The following GALNTL6 variants were observed in gnomAD, a reference collection of about 807,000 sequenced individuals.
GALNTL6 encodes the protein polypeptide N-acetylgalactosaminyltransferase like 6.
In GALNTL6, 46 loss-of-function variants were observed where a neutral mutation model predicts 73.7. That is an observed-to-expected ratio of 0.62 (90% CI 0.49 to 0.80). The LOEUF is 0.80. Ranked by LOEUF, GALNTL6 falls within the 30% of genes least tolerant of loss-of-function variation. GALNTL6 has a pLI of 0.00. For missense variants in GALNTL6, 604 were observed against 755.0 expected (o/e 0.80, Z 2.34); for synonymous variants, 259 against 263.7 (o/e 0.98, Z 0.17).
chr4:172,351,236 T>A (rs1466238467), intron 5 of GALNTL6, among the ~76,000 whole-genome samples: 2 of 152,264 alleles, frequency 1.3e-5, no homozygotes, highest in South Asian at 4.1e-4. Flanking sequence ...TCTACCTCTT[T>A]ACTGATTTAT....
rs116978614 is a variant in GALNTL6, at chr4:171,865,911, G to A, written c.138+51193G>A. Among the ~76,000 whole-genome samples, 429 of 152,142 alleles carry A rather than the reference G, an allele frequency of 2.8e-3. 1 individual carries two copies. The highest frequency in any genetic ancestry group is 0.024 in the East Asian group (123 of 5,180). On this transcript the variant is annotated intron_variant, in intron 2 of 12. Coordinates refer to ENST00000506823, the MANE Select transcript of GALNTL6 (RefSeq NM_001034845.3). ...TGATTGTGTTCTGTCAAACTTTTAC[G>A]TAACAAATAAGACACTTAACAATTC...
chr4:172,950,685 T>C (rs1707438018), intron 9 of GALNTL6, among the ~76,000 whole-genome samples: 1 of 152,162 alleles, frequency 6.6e-6, no homozygotes, highest in Non-Finnish European at 1.5e-5. Flanking sequence ...CAGGCCTGAA[T>C]TAGGATTTTG....
At chr4:172,448,908 A>C (rs1732116717) in intron 5 of GALNTL6, among the ~76,000 whole-genome samples, 1 of 152,158 alleles carries the variant, frequency 6.6e-6, no homozygotes, top group African/African-American at 2.4e-5. Flanking sequence ...ATCAGATCTC[A>C]CTTTACTAAG....
chr4:172,581,739 G>A (rs1275244182), intron 5 of GALNTL6, among the ~76,000 whole-genome samples: 1 of 152,118 alleles, frequency 6.6e-6, no homozygotes, highest in Non-Finnish European at 1.5e-5. Context: ...CTTCCTGCCT[G>A]CTCTCTGATT....
At chr4:172,362,459 C>G (rs1742405155) in intron 5 of GALNTL6, among the ~76,000 whole-genome samples, 1 of 152,062 alleles carries the variant, frequency 6.6e-6, no homozygotes, top group African/African-American at 2.4e-5. Context: ...TTCTTCTTAT[C>G]TGGGGCATGC....
At chr4:171,994,310 G>T (rs1458478950) in intron 2 of GALNTL6, among the ~76,000 whole-genome samples, 4 of 152,022 alleles carry the variant, frequency 2.6e-5, no homozygotes, top group African/African-American at 9.7e-5. Context: ...AAATGAGCCA[G>T]CCTGGAAATG....
intron 5 of GALNTL6, among the ~76,000 whole-genome samples, chr4:172,614,702 C>T (rs984960143): frequency 6.6e-6 from 1 of 152,054 alleles, no homozygotes; most frequent in African/African-American, 2.4e-5. Flanking sequence ...AAATCCTTAT[C>T]GTTGTAACAG....
At chr4:172,064,953 C>G (rs113038343) in intron 2 of GALNTL6, among the ~76,000 whole-genome samples, 4 of 152,154 alleles carry the variant, frequency 2.6e-5, no homozygotes, top group African/African-American at 9.6e-5. Flanking sequence ...TTTTTTCTAG[C>G]AAATCTTCAT....
intron 2 of GALNTL6, among the ~76,000 whole-genome samples, chr4:172,141,691 A>G (rs974276904): frequency 2.0e-5 from 3 of 151,966 alleles, no homozygotes; most frequent in African/African-American, 7.2e-5. Context: ...TTCTAGAGCT[A>G]ATCAGGTGTC....
At chr4:171,836,321 T>C (rs1011714231) in intron 2 of GALNTL6, among the ~76,000 whole-genome samples, 3 of 152,072 alleles carry the variant, frequency 2.0e-5, no homozygotes, top group African/African-American at 7.2e-5. Context: ...TTTTCATCAA[T>C]GTAGAGGTGA....
intron 5 of GALNTL6, among the ~76,000 whole-genome samples, chr4:172,614,355 T>C (rs893301101): frequency 4.6e-5 from 7 of 152,176 alleles, no homozygotes; most frequent in Non-Finnish European, 7.4e-5. Context: ...TCTGCAAAGC[T>C]GAACTAAGGC....
At chr4:171,978,810 A>C (rs1300821366) in intron 2 of GALNTL6, among the ~76,000 whole-genome samples, 1 of 148,872 alleles carries the variant, frequency 6.7e-6, no homozygotes, top group African/African-American at 2.6e-5. Flanking sequence ...TGCATTTTGC[A>C]AAATGGAGAG....
In GALNTL6 at chr4:172,789,088, A is replaced by G. The variant is rs987865330; in HGVS notation, c.554-20273A>G. Among the ~76,000 whole-genome samples the G allele has an allele frequency of 7.2e-5, 11 of 152,138 alleles. No homozygotes were observed. In the East Asian group the frequency reaches 2.1e-3, roughly 29 times the overall value. On this transcript the variant is annotated intron_variant, in intron 5 of 12. Coordinates refer to ENST00000506823, the MANE Select transcript of GALNTL6 (RefSeq NM_001034845.3). ...GTAGACGCCAGCTAGATGTCCTTCA[A>G]TTCAATTCCGAACCTGTCTACCTGG...
intron 5 of GALNTL6, among the ~76,000 whole-genome samples, chr4:172,562,205 CATT>C (rs2110928266): frequency 6.6e-6 from 1 of 152,280 alleles, no homozygotes; most frequent in South Asian, 2.1e-4. Flanking sequence ...TATCAACACT[CATT>C]AGAAAGTGGT....
chr4:172,148,296 C>T (rs897285943), intron 2 of GALNTL6, among the ~76,000 whole-genome samples: 8 of 152,034 alleles, frequency 5.3e-5, no homozygotes, highest in Non-Finnish European at 8.8e-5. Flanking sequence ...TGTTTTCATA[C>T]GCAGTTGTGG....
chr4:172,483,068 GTGTT>G (rs1356217042), intron 5 of GALNTL6, among the ~76,000 whole-genome samples: 5 of 152,198 alleles, frequency 3.3e-5, no homozygotes, highest in African/African-American at 9.6e-5. Flanking sequence ...TATTACATAT[GTGTT>G]TGTGTGTATA....
chr4:172,361,854 A>C (rs1321420091), intron 5 of GALNTL6, among the ~76,000 whole-genome samples: 1 of 152,122 alleles, frequency 6.6e-6, no homozygotes, highest in Non-Finnish European at 1.5e-5. Flanking sequence ...CTTTCCCTTT[A>C]CTAGCTGTGT....
At chr4:172,836,226 A>G (rs950066140) in intron 7 of GALNTL6, among the ~76,000 whole-genome samples, 9 of 152,220 alleles carry the variant, frequency 5.9e-5, no homozygotes, top group Non-Finnish European at 1.3e-4. Context: ...AGCAGGCAGA[A>G]AAGAGAAACA....
chr4:172,272,064 T>A (rs1738676082), intron 3 of GALNTL6, among the ~76,000 whole-genome samples: 1 of 152,088 alleles, frequency 6.6e-6, no homozygotes, highest in Non-Finnish European at 1.5e-5. Context: ...GTGATTCTCC[T>A]GCTTCAGCCT....
Sources: gnomAD v4.1 joint callset for allele counts (sites outside exome capture counted in the v4.1 genomes callset) on GRCh38, gnomAD v4.1.1 for gene constraint, MANE v1.5 for transcripts, NCBI Gene and HGNC (gene_info 2026-07-23, HGNC 2026-07-21) for gene names.